Variants in CSMD1 observed in about 807,000 individuals in gnomAD.
The protein encoded by CSMD1 is CUB and sushi domain-containing protein 1.
In CSMD1, 213 loss-of-function variants were observed where a neutral mutation model predicts 417.5. The ratio of observed to expected loss-of-function variants is 0.51; its 90% CI spans 0.46 to 0.57. The LOEUF (loss-of-function observed/expected upper bound fraction) is 0.57. CSMD1 is among the 20% of genes least tolerant of loss of function. The pLI is 0.00. For missense variants in CSMD1, 6,923 were observed against 4,529.7 expected, an observed-to-expected ratio of 1.53 and a Z score of -15.17; for synonymous variants, 2,862 against 1,736.8, an observed-to-expected ratio of 1.65 and a Z score of -16.11.
chr8:3,948,956 G>A (rs941594535), intron 5 of CSMD1, among the ~76,000 whole-genome samples: 3 of 151,806 alleles, frequency 2.0e-5, no homozygotes, highest in Non-Finnish European at 4.4e-5. Context: ...ATGGGCTACT[G>A]GAAAATATTT....
At position 3,554,123 on chromosome 8, in the gene CSMD1, T is replaced by C. The variant is rs189332268; in HGVS notation, c.1344+20822A>G. 2.0e-5 allele frequency among the ~76,000 whole-genome samples: 3 copies of C among 152,242 alleles called. No individual in the cohort carries two copies. The East Asian group carries it at 5.8e-4, about 29-fold the overall frequency. ...GACTGTATTTAATGCATGTCTAAGC[T>C]CATGCCTTTTATACAAGTGAAACAT... On this transcript the variant is annotated intron_variant, in intron 10 of 69. Transcript: ENST00000635120.
rs200070021 is a variant in CSMD1, at chr8:4,204,276, AC to A, written c.416-172178del. Among the ~76,000 whole-genome samples, 676 of 150,298 alleles carry A rather than the reference AC, an allele frequency of 4.5e-3. 9 individuals carry two copies. The highest frequency in any genetic ancestry group is 0.01 in the Middle Eastern group (3 of 290). ...TATGCAATGCTAGGAAAAAAAAAAA[AC>A]CTCAATTTGGAAGTTTTTGGTTTTC... is the stretch of plus-strand genomic sequence containing the variant. On this transcript the variant is annotated intron_variant, in intron 3 of 69. Coordinates refer to ENST00000635120, the MANE Select transcript of CSMD1 (RefSeq NM_033225.6).
intron 1 of CSMD1, among the ~76,000 whole-genome samples, chr8:4,924,514 G>A (rs1405918863): frequency 2.0e-5 from 3 of 152,036 alleles, no homozygotes; most frequent in Non-Finnish European, 4.4e-5. Flanking sequence ...CCTGAGGTCA[G>A]GAGTTCGAGA....
At chr8:3,034,435 A>C (rs1247681422) in intron 50 of CSMD1, among the ~76,000 whole-genome samples, 1 of 152,210 alleles carries the variant, frequency 6.6e-6, no homozygotes, top group Non-Finnish European at 1.5e-5. Context: ...ATTTGTTTAC[A>C]AGAAAAACTG....
chr8:4,520,424 A>G (rs1803379544), intron 2 of CSMD1, among the ~76,000 whole-genome samples: 1 of 152,194 alleles, frequency 6.6e-6, no homozygotes, highest in Non-Finnish European at 1.5e-5. Flanking sequence ...CATGTCTTTC[A>G]TAGATCTCCA....
At chr8:3,994,129 G>A (rs1309901366) in intron 5 of CSMD1, among the ~76,000 whole-genome samples, 1 of 152,118 alleles carries the variant, frequency 6.6e-6, no homozygotes, top group Non-Finnish European at 1.5e-5. Flanking sequence ...GTTAAGAATC[G>A]ATGCATTTAT....
chr8:4,029,680 C>A (rs776888066), intron 4 of CSMD1, among the ~76,000 whole-genome samples: 1 of 152,114 alleles, frequency 6.6e-6, no homozygotes, highest in Non-Finnish European at 1.5e-5. Context: ...CTCATGTCCT[C>A]ACATTTCAAA....
At chr8:3,664,188 C>A (rs1798563785) in intron 7 of CSMD1, among the ~76,000 whole-genome samples, 1 of 152,098 alleles carries the variant, frequency 6.6e-6, no homozygotes, top group Non-Finnish European at 1.5e-5. Context: ...CCCTAGACCC[C>A]CACCCCACTA....
At chr8:4,690,622 A>G (rs534331166) in intron 1 of CSMD1, among the ~76,000 whole-genome samples, 12 of 152,360 alleles carry the variant, frequency 7.9e-5, no homozygotes, top group Non-Finnish European at 1.3e-4. Context: ...AGTCATGTGA[A>G]TACAGTTATT....
At chr8:3,385,847 C>A (rs750371091) in intron 18 of CSMD1, among the ~76,000 whole-genome samples, 17 of 151,922 alleles carry the variant, frequency 1.1e-4, no homozygotes, top group Non-Finnish European at 2.2e-4. Context: ...CCAGAGAATT[C>A]CTCTGTGGGA....
intron 6 of CSMD1, among the ~76,000 whole-genome samples, chr8:3,722,055 G>C (rs536373990): frequency 6.6e-6 from 1 of 152,164 alleles, no homozygotes; most frequent in African/African-American, 2.4e-5. Flanking sequence ...AGAAGCATAA[G>C]GAAGAGGCCG....
chr8:3,973,550 ATTCTTTCTTGTCATTC>A (rs1322330615), intron 5 of CSMD1, among the ~76,000 whole-genome samples: 1 of 152,230 alleles, frequency 6.6e-6, no homozygotes, highest in Non-Finnish European at 1.5e-5. Context: ...AAACAACAAA[ATTCTTTCTTGTCATTC>A]TAGAATTTTA....
intron 37 of CSMD1, among the ~76,000 whole-genome samples, chr8:3,171,259 T>A (rs1277251103): frequency 1.3e-5 from 2 of 152,226 alleles, no homozygotes; most frequent in African/African-American, 4.8e-5. Flanking sequence ...AAAGAAAGCT[T>A]CTACTTCATT....
chr8:3,553,483 T>C (rs1006347907), intron 10 of CSMD1, among the ~76,000 whole-genome samples: 8 of 152,226 alleles, frequency 5.3e-5, no homozygotes, highest in African/African-American at 1.7e-4. Context: ...GAAGAAGATA[T>C]TCCTAAGACA....
At chr8:3,319,965 G>C (rs986933773) in intron 23 of CSMD1, among the ~76,000 whole-genome samples, 1 of 151,974 alleles carries the variant, frequency 6.6e-6, no homozygotes, top group Non-Finnish European at 1.5e-5. Flanking sequence ...TATCACCTTA[G>C]ACTTAAGTCT....
At chr8:3,178,755 A>G (rs944914826) in intron 37 of CSMD1, among the ~76,000 whole-genome samples, 1 of 152,060 alleles carries the variant, frequency 6.6e-6, no homozygotes, top group Non-Finnish European at 1.5e-5. Flanking sequence ...TTTTTATTTC[A>G]TGGACATAAA....
chr8:3,657,654 A>G (rs1323685605), intron 7 of CSMD1, among the ~76,000 whole-genome samples: 1 of 152,152 alleles, frequency 6.6e-6, no homozygotes, highest in Non-Finnish European at 1.5e-5. Context: ...ATGAGAACAC[A>G]TGGACACAAG....
At chr8:3,803,243 C>G (rs1800554788) in intron 5 of CSMD1, among the ~76,000 whole-genome samples, 1 of 152,156 alleles carries the variant, frequency 6.6e-6, no homozygotes, top group African/African-American at 2.4e-5. Flanking sequence ...ATTCTGACTG[C>G]TTGGCATAAA....
chr8:3,045,524 G>T (rs1563274707), intron 50 of CSMD1, among the ~76,000 whole-genome samples: 1 of 152,136 alleles, frequency 6.6e-6, no homozygotes, highest in African/African-American at 2.4e-5. Flanking sequence ...TTTTCCAGAA[G>T]ATTTTAGAGA....
Sources: allele counts gnomAD v4.1 joint callset (sites outside exome capture counted in the v4.1 genomes callset), GRCh38; gene constraint gnomAD v4.1.1; transcripts MANE v1.5; gene names NCBI Gene and HGNC (gene_info 2026-07-23, HGNC 2026-07-21).